The following GRK4 variants were observed in gnomAD, a reference collection of about 807,000 sequenced individuals.
GRK4 encodes G protein-coupled receptor kinase 4, also known as G protein-coupled receptor kinase 2-like.
A neutral mutation model predicts 77.9 loss-of-function variants in GRK4; 73 were observed. That is an observed-to-expected ratio of 0.94 (90% confidence interval 0.78 to 1.14). The LOEUF (loss-of-function observed/expected upper bound fraction) is 1.14, where lower values mean the gene tolerates loss of function less well. GRK4 is among the 50% of genes most tolerant of loss of function. GRK4 has a pLI of 0.00. For missense variants in GRK4, 729 were observed against 700.2 expected (o/e 1.04, Z -0.46); for synonymous variants, 257 against 254.4 (o/e 1.01, Z -0.10).
intron 10 of GRK4, among the ~76,000 whole-genome samples, chr4:3,027,336 C>T (rs113204384): frequency 5.2e-4 from 79 of 152,270 alleles, no homozygotes; most frequent in East Asian, 2.3e-3. Context: ...TGTGAACCAC[C>T]GTGTCTGGCC....
chr4:3,020,601 C>G (rs1735791916), intron 9 of GRK4, among the ~76,000 whole-genome samples: 1 of 152,148 alleles, frequency 6.6e-6, no homozygotes, highest in Non-Finnish European at 1.5e-5. Flanking sequence ...ATTCCCCCTC[C>G]TGTCCCTTAA....
chr4:2,992,434 C>T, intron 4 of GRK4, 142 bp downstream of exon 4: 1 of 549,154 alleles, frequency 1.8e-6, no homozygotes, highest in Non-Finnish European at 3.3e-6. Context: ...AATCCCAGCA[C>T]TTCGGGAGGC....
intron 7 of GRK4, 144 bp from the exon 8 acceptor site, chr4:3,013,544 G>A: frequency 2.2e-6 from 2 of 901,278 alleles, no homozygotes; most frequent in Non-Finnish European, 3.4e-6. Context: ...CACTGACGAA[G>A]CTCACCTTTG....
chr4:2,964,062 C>T lies in GRK4; in HGVS notation c.-9C>T. 1 of 1,608,526 alleles carries T rather than the reference C, an allele frequency of 6.2e-7. No homozygotes were observed. The highest frequency in any genetic ancestry group is 1.7e-4 in the Middle Eastern group (1 of 6,044). On this transcript the variant is annotated 5_prime_UTR_variant, in exon 1 of 16. Coordinates refer to ENST00000398052, the MANE Select transcript of GRK4 (RefSeq NM_182982.3). The stretch of plus-strand genomic sequence containing the variant: ...TCGCAGAATCCGCCGGCGGCGGCGG[C>T]GCCAGGACATGGAGCTCGAGAACAT...
At chr4:2,967,576 T>G (rs1342146198) in intron 1 of GRK4, among the ~76,000 whole-genome samples, 1 of 152,036 alleles carries the variant, frequency 6.6e-6, no homozygotes, top group Non-Finnish European at 1.5e-5. Flanking sequence ...TTTTTGTATT[T>G]TTAGTAGAGA....
At position 3,035,506 on chromosome 4, in the gene GRK4, C is replaced by T. The variant is rs758513559; in HGVS notation, c.1390C>T (p.Pro464Ser). The T allele has an allele frequency of 1.8e-5, 29 of 1,613,636 alleles. No homozygotes were observed. Among genetic ancestry groups the T allele is most frequent in the East Asian group, 4.5e-5 (2 of 44,868 alleles). ...GAGGCTGGAGGCAAACATGCTGGAG[C>T]CCCCTTTCTGTCCTGATGTAAGTGC... ...FRRLEANMLE[P>S]PFCPDPHAVY... The change falls in exon 13 of 16, where the codon CCC becomes TCC. Residue 464 changes from proline to serine, a missense_variant. Pro to Ser is a moderately conservative substitution (Grantham distance 74, BLOSUM62 -1). Transcript: ENST00000398052.
chr4:3,016,744 A>G (rs919693020), intron 8 of GRK4, among the ~76,000 whole-genome samples: 2 of 152,008 alleles, frequency 1.3e-5, no homozygotes, highest in Non-Finnish European at 2.9e-5. Flanking sequence ...AAACAAAACA[A>G]AAAAAACCCC....
At chr4:3,021,693 C>G (rs1736135993) in intron 9 of GRK4, among the ~76,000 whole-genome samples, 1 of 152,160 alleles carries the variant, frequency 6.6e-6, no homozygotes, top group South Asian at 2.1e-4. Flanking sequence ...GGTATTGGAC[C>G]ATGGAACACA....
chr4:2,971,349 T>C (rs1451544803), intron 1 of GRK4, among the ~76,000 whole-genome samples: 1 of 152,198 alleles, frequency 6.6e-6, no homozygotes, highest in Non-Finnish European at 1.5e-5. Flanking sequence ...TTTCAGCACC[T>C]TTTGCCCAGC....
chr4:2,963,885 A>AGGC lies in GRK4; in HGVS notation c.-172_-170dup, dbSNP rs930822111. On this transcript the variant is annotated 5_prime_UTR_variant, in exon 1 of 16. Coordinates refer to ENST00000398052, the MANE Select transcript of GRK4 (RefSeq NM_182982.3). ...CTCCCCTGCTGGTGAGGGCCTGCGGAGGCGGCGGCGGCGGCGCCCTTGGTG... is the reference window on the plus strand; with the variant it reads ...CTCCCCTGCTGGTGAGGGCCTGCGGAGGCGGCGGCGGCGGCGGCGCCCTTGGTG... The AGGC allele has an allele frequency of 2.2e-5, 14 of 647,638 alleles. No homozygotes were observed. Among genetic ancestry groups the AGGC allele is most frequent in the African/African-American group, 3.7e-5 (2 of 53,810 alleles). The allele number at this position is 647,638 out of a possible 1,614,324, so 40.1% of individuals were successfully genotyped here. A position where few individuals can be genotyped will look rare whatever the true frequency, so the allele number is the denominator to read the frequency against.
At chr4:2,978,682 T>C (rs1167585985) in intron 1 of GRK4, among the ~76,000 whole-genome samples, 1 of 152,190 alleles carries the variant, frequency 6.6e-6, no homozygotes, top group African/African-American at 2.4e-5. Flanking sequence ...AGGTGGCTCA[T>C]GCTTGTAATC....
chr4:2,986,537 G>A (rs911244897), intron 2 of GRK4, among the ~76,000 whole-genome samples: 3 of 151,480 alleles, frequency 2.0e-5, no homozygotes, highest in African/African-American at 7.3e-5. Context: ...TGTATTTTTA[G>A]TAGAGACTGG....
In GRK4 at chr4:2,986,927, C is replaced by T. The variant is rs535533951; in HGVS notation, c.149-1800C>T. ...TTGTAACCCCCCCATTGTTTTAACT[C>T]CACTGAGTATTTTAAATAACTGCTT... On this transcript the variant is annotated intron_variant, in intron 2 of 15. Coordinates refer to ENST00000398052, the MANE Select transcript of GRK4 (RefSeq NM_182982.3). 36 of 317,346 alleles carry T rather than the reference C, an allele frequency of 1.1e-4. 1 individual carries two copies. The East Asian group carries it at 2.9e-3, about 25-fold the overall frequency. The allele number at this position is 317,346 out of a possible 1,614,324, so 19.7% of individuals were successfully genotyped here. A position where few individuals can be genotyped will look rare whatever the true frequency, so the allele number is the denominator to read the frequency against.
In GRK4 at chr4:3,040,683, G is replaced by C; in HGVS notation, c.*58G>C. On this transcript the variant is annotated 3_prime_UTR_variant, in exon 16 of 16. Transcript: ENST00000398052. ...GCGCCAGGAAGGAGCATGTGTTAGC[G>C]TCTCGTCCCACCTGGAATTGTAATA... 7.0e-7 allele frequency: 1 copy of C among 1,421,754 alleles called. No homozygotes were observed. The highest frequency in any genetic ancestry group is 1.4e-5 in the African/African-American group (1 of 71,644). The allele number at this position is 1,421,754 out of a possible 1,614,324, so 88.1% of individuals were successfully genotyped here.
chr4:2,995,133 A>G (rs1004606569), intron 4 of GRK4, among the ~76,000 whole-genome samples: 1 of 152,166 alleles, frequency 6.6e-6, no homozygotes, highest in Admixed American at 6.6e-5. Flanking sequence ...TTACGGCTGC[A>G]TAGTATTCCA....
chr4:2,981,508 G>C (rs910165188), intron 1 of GRK4, among the ~76,000 whole-genome samples: 2 of 152,216 alleles, frequency 1.3e-5, no homozygotes, highest in Non-Finnish European at 2.9e-5. Context: ...CTATCTGCAG[G>C]CAGGTTGTCC....
intron 7 of GRK4, among the ~76,000 whole-genome samples, chr4:3,011,873 T>C (rs1192757945): frequency 6.6e-6 from 1 of 152,150 alleles, no homozygotes; most frequent in Non-Finnish European, 1.5e-5. Context: ...AGGAATTGAG[T>C]AGACATCTCT....
intron 1 of GRK4, chr4:2,965,118 A>G: frequency 1.6e-6 from 1 of 607,392 alleles, no homozygotes; most frequent in South Asian, 2.0e-5. Flanking sequence ...TGCTTCTGTA[A>G]GTTTGCTTAT....
chr4:2,969,286 C>G (rs750990369), intron 1 of GRK4: 1 of 152,164 alleles, frequency 6.6e-6, no homozygotes, highest in Admixed American at 6.5e-5. Context: ...ATGATCCACC[C>G]GCCTTGCCCT....
Sources: gnomAD v4.1 joint callset for allele counts (sites outside exome capture counted in the v4.1 genomes callset) on GRCh38, gnomAD v4.1.1 for gene constraint, MANE v1.5 for transcripts, NCBI Gene and HGNC (gene_info 2026-07-23, HGNC 2026-07-21) for gene names.